MOV10: variants seen among roughly 807,000 people sequenced by gnomAD.
MOV10 encodes RNA helicase MOV-10.
Under a neutral mutation model 108.4 loss-of-function variants are expected in MOV10, and 39 were observed. The ratio of observed to expected loss-of-function variants is 0.36; its 90% CI spans 0.28 to 0.47. MOV10 has a LOEUF of 0.47. Ranked by LOEUF, MOV10 falls within the 20% of genes least tolerant of loss-of-function variation. The pLI is 1.00. For missense variants in MOV10, 952 were observed against 1,297.6 expected (o/e 0.73, Z 4.09); for synonymous variants, 490 against 523.1 (o/e 0.94, Z 0.86).
chr1:112,680,970 G>A (rs1323093383), intron 2 of MOV10, among the ~76,000 whole-genome samples: 1 of 151,722 alleles, frequency 6.6e-6, no homozygotes, highest in Non-Finnish European at 1.5e-5. Flanking sequence ...CCAAAGTGCT[G>A]GGATTACAGG....
In MOV10 at chr1:112,699,216, TC is replaced by T. The variant is rs201825948; in HGVS notation, c.2583+428del. The T allele has an allele frequency of 8.5e-3, 1,916 of 224,726 alleles. 10 individuals are homozygous for T. Among genetic ancestry groups the T allele is most frequent in the Middle Eastern group, 0.02 (12 of 590 alleles). 13.9% of individuals were successfully genotyped at this position (224,726 alleles called of 1,614,324 possible). On this transcript the variant is annotated intron_variant, in intron 17 of 20. Coordinates refer to ENST00000369645, the MANE Select transcript of MOV10 (RefSeq NM_001321324.2). ...CCCCACCCACCAGCTCATACAGCTA[TC>T]GGGGCAGAGCCAGGGCACTGGTAGT...
At position 112,674,957 on chromosome 1, in the gene MOV10, G is replaced by A. The variant is rs1417502196; in HGVS notation, c.45G>A (p.Gln15=). The part of the protein sequence containing the change: ...FSCRQLREAG[Q]CFESFLVVRG... ...GCCGGCAGCTCCGGGAGGCGGGCCA[G>A]TGTTTCGAGAGTTTCCTGGTCGTTC... Residue 15 remains glutamine, a synonymous_variant, in exon 2 of 21, where the codon CAG becomes CAA. Coordinates refer to ENST00000369645, the MANE Select transcript of MOV10 (RefSeq NM_001321324.2). The A allele has an allele frequency of 1.9e-6, 3 of 1,584,292 alleles. No homozygotes were observed. The highest frequency in any genetic ancestry group is 2.6e-6 in the Non-Finnish European group (3 of 1,166,344).
At chr1:112,689,712 C>T (rs946577487) in intron 4 of MOV10, 62 bp downstream of exon 4, 12 of 1,590,040 alleles carry the variant, frequency 7.5e-6, no homozygotes, top group African/African-American at 1.3e-5. Flanking sequence ...AGTGCTTATG[C>T]TTTGGGAAAC....
chr1:112,681,854 A>G (rs931582174), intron 2 of MOV10, among the ~76,000 whole-genome samples: 1 of 151,066 alleles, frequency 6.6e-6, no homozygotes, highest in Non-Finnish European at 1.5e-5. Context: ...CTAGAGTTCA[A>G]AATTTATGTT....
In MOV10 at chr1:112,695,527, C is replaced by G. The variant is rs763871620; in HGVS notation, c.1732C>G (p.Leu578Val). 2 of 1,614,228 alleles carry G rather than the reference C, an allele frequency of 1.2e-6. No homozygotes were observed. The highest frequency in any genetic ancestry group is 1.3e-5 in the African/African-American group (1 of 75,068). ...RVHLPSSIYRLLAPSRDIRMV... is the reference protein window; with the variant it reads ...RVHLPSSIYRVLAPSRDIRMV... ...CCACCTTCCTAGCTCCATCTACCGC[C>G]TCCTGGCCCCCAGCAGGGACATCCG... Residue 578 changes from leucine to valine, a missense_variant, in exon 11 of 21, where the codon CTC becomes GTC. Physicochemically the swap from Leu to Val is conservative, Grantham distance 32. Transcript: ENST00000369645.
chr1:112,692,979 T>A, intron 7 of MOV10, 50 bp downstream of exon 7: 2 of 1,539,730 alleles, frequency 1.3e-6, no homozygotes, highest in Non-Finnish European at 1.8e-6. Flanking sequence ...CCAGCCAAGC[T>A]AGAGGCTGTG....
rs763001472 is a variant in MOV10, at chr1:112,689,119, G to A, written c.322G>A (p.Ala108Thr). 3 of 1,605,894 alleles carry A rather than the reference G, an allele frequency of 1.9e-6. No homozygotes were observed. Among genetic ancestry groups the A allele is most frequent in the Non-Finnish European group, 2.5e-6 (3 of 1,176,496 alleles). The part of the protein sequence containing the change: ...DISKHHKSLL[A>T]KIFYDRAEYL... ...CAGCAAACACCACAAGTCACTGCTA[G>A]CCAAGATCTTTTATGACAGGTGTGT... Residue 108 changes from alanine to threonine, a missense_variant, in exon 3 of 21, where the codon GCC (alanine) becomes ACC (threonine). By Grantham distance (58) the Ala-to-Thr change is moderately conservative (BLOSUM62 0). Transcript: ENST00000369645.
intron 2 of MOV10, chr1:112,688,652 A>G (rs1673284790): frequency 1.5e-6 from 2 of 1,342,380 alleles, no homozygotes; most frequent in Admixed American, 3.2e-5. Context: ...CCTTCCAGTC[A>G]GCAGCCTGTG....
At chr1:112,682,919 A>G (rs1443564313) in intron 2 of MOV10, among the ~76,000 whole-genome samples, 3 of 109,004 alleles carry the variant, frequency 2.8e-5, no homozygotes, top group Non-Finnish European at 3.5e-5. Flanking sequence ...TCCTAGGAAC[A>G]TCTTTTTTTT....
In MOV10 at chr1:112,695,672, A is replaced by G. The variant is rs1674005034; in HGVS notation, c.1779+98A>G. 5 of 1,330,566 alleles carry G rather than the reference A, an allele frequency of 3.8e-6. No homozygotes were observed. The South Asian group carries it at 7.2e-5, about 19-fold the overall frequency. The allele number at this position is 1,330,566 out of a possible 1,614,324, so 82.4% of individuals were successfully genotyped here. A position where few individuals can be genotyped will look rare whatever the true frequency, so the allele number is the denominator to read the frequency against. On this transcript the variant is annotated intron_variant, in intron 11 of 20. Coordinates refer to ENST00000369645, the MANE Select transcript of MOV10 (RefSeq NM_001321324.2). ...GAAGCTAGGAGACCTGGATTCTGAT[A>G]CTTGCTATGTGACCTTGGGTTGGAC...
intron 2 of MOV10, among the ~76,000 whole-genome samples, chr1:112,683,066 C>G (rs998725254): frequency 1.3e-5 from 2 of 151,856 alleles, no homozygotes; most frequent in Admixed American, 1.3e-4. Context: ...ATTACAGGTG[C>G]CTGCCACAAC....
At chr1:112,698,950 C>A (rs1160624027) in intron 17 of MOV10, 161 bp downstream of exon 17, 9 of 664,668 alleles carry the variant, frequency 1.4e-5, no homozygotes, top group Middle Eastern at 3.4e-4. Flanking sequence ...CCTGGAGATT[C>A]CAACTTAAGG....
At position 112,683,378 on chromosome 1, in the gene MOV10, A is replaced by G. The variant is rs149800213; in HGVS notation, c.138-5557A>G. On this transcript the variant is annotated intron_variant, in intron 2 of 20. Transcript: ENST00000369645. ...AGTGCTTAAACCATTTTACAGACCA[A>G]CAAACAATGCATGAGAGTTTGGGTT... 8.3e-3 allele frequency among the ~76,000 whole-genome samples: 1,266 copies of G among 152,348 alleles called. 19 individuals are homozygous for G. The highest frequency in any genetic ancestry group is 0.029 in the African/African-American group (1,202 of 41,590).
At position 112,698,036 on chromosome 1, in the gene MOV10, T is replaced by C; in HGVS notation, c.2241T>C (p.Tyr747=). The part of the protein sequence containing the change: ...TILDIPNQLY[Y]EGELQACADV... ...TGGACATTCCTAACCAGCTCTATTA[T>C]GAAGGGGAGCTGCAGGCCTGTGCTG... is the stretch of plus-strand genomic sequence containing the variant. Residue 747 remains tyrosine, a synonymous_variant, in exon 15 of 21, where the codon TAT becomes TAC. Coordinates refer to ENST00000369645, the MANE Select transcript of MOV10 (RefSeq NM_001321324.2). 6.2e-7 allele frequency: 1 copy of C among 1,614,200 alleles called. No homozygotes were observed. The highest frequency in any genetic ancestry group is 1.1e-5 in the South Asian group (1 of 91,088).
In MOV10 at chr1:112,696,680, G is replaced by A; in HGVS notation, c.2032G>A (p.Ala678Thr). The change falls in exon 14 of 21, where the codon GCA becomes ACA. Residue 678 changes from alanine to threonine, a missense_variant. By Grantham distance (58) the Ala-to-Thr change is moderately conservative (BLOSUM62 0). Transcript: ENST00000369645. ...TGATCCAGGAGGGCAGCTGGTGCTGGCAGGAGACCCTCGGCAGCTGGGGCC... is the reference window on the plus strand; with the variant it reads ...TGATCCAGGAGGGCAGCTGGTGCTGACAGGAGACCCTCGGCAGCTGGGGCC... ...TGDPGGQLVLAGDPRQLGPVL... is the reference protein window; with the variant it reads ...TGDPGGQLVLTGDPRQLGPVL... 1 of 1,610,624 alleles carries A rather than the reference G, an allele frequency of 6.2e-7. No individual in the cohort carries two copies. The highest frequency in any genetic ancestry group is 1.7e-5 in the Admixed American group (1 of 59,336).
chr1:112,697,261 G>A (rs1436175708), intron 14 of MOV10, among the ~76,000 whole-genome samples: 2 of 152,140 alleles, frequency 1.3e-5, no homozygotes, highest in Non-Finnish European at 2.9e-5. Flanking sequence ...CTTGAGGTCA[G>A]GAGTTTGAGA....
Position 112,691,740 on chromosome 1 carries a change from C to T in MOV10, c.912C>T (p.Leu304=), listed in dbSNP as rs974269360. 2 of 1,614,018 alleles carry T rather than the reference C, an allele frequency of 1.2e-6. No individual in the cohort carries two copies. Among genetic ancestry groups the T allele is most frequent in the Non-Finnish European group, 1.7e-6 (2 of 1,180,036 alleles). ...YYPPPRLRQL[L]PMLLQGTSIF... ...CACCTCCCCGCCTCAGGCAGCTGCT[C>T]CCCATGCTTCTTCAGGGAACAAGTA... Residue 304 remains leucine (L), a synonymous_variant, in exon 6 of 21, where the codon CTC becomes CTT. Transcript: ENST00000369645.
chr1:112,694,552 G>A lies in MOV10; in HGVS notation c.1395G>A (p.Gly465=), dbSNP rs139169145. ...AGCACCGTGCCCTGGAGCTGACAGG[G>A]CGCTGGCTGCTGTGGCCCATGCTCT... is the stretch of plus-strand genomic sequence containing the variant. ...RVQHRALELT[G]RWLLWPMLFP... The change falls in exon 9 of 21, where the codon GGG becomes GGA. Residue 465 remains glycine, a synonymous_variant. Transcript: ENST00000369645. This position sits in a 1 kb window ranked among gnomAD's most constrained non-coding sequence, Gnocchi z 4.1. The A allele has an allele frequency of 4.8e-5, 78 of 1,614,096 alleles. No homozygotes were observed. In the African/African-American group the frequency reaches 7.7e-4, roughly 16 times the overall value.
chr1:112,688,272 T>G, intron 2 of MOV10: 4 of 843,892 alleles, frequency 4.7e-6, no homozygotes, highest in Non-Finnish European at 5.7e-6. Context: ...CTCCAGGCAC[T>G]GAGCCTTGAG....
Sources: gnomAD v4.1 joint callset for allele counts (sites outside exome capture counted in the v4.1 genomes callset) on GRCh38, gnomAD v4.1.1 for gene constraint, Gnocchi (gnomAD v3.1) non-coding constraint, MANE v1.5 for transcripts, NCBI Gene and HGNC (gene_info 2026-07-23, HGNC 2026-07-21) for gene names.